The following GRM1 variants were observed in gnomAD, a reference collection of about 807,000 sequenced individuals.
The protein encoded by GRM1 is metabotropic glutamate receptor 1.
In GRM1, 33 loss-of-function variants were observed where a neutral mutation model predicts 90.9. That is an observed-to-expected ratio of 0.36 (90% CI 0.28 to 0.49). The LOEUF (loss-of-function observed/expected upper bound fraction) is 0.49, where lower values mean the gene tolerates loss of function less well. Among genes scored for constraint, GRM1 ranks in the 20% least tolerant of loss-of-function variants. The probability of loss-of-function intolerance (pLI) is 0.99; values close to 1 mark genes in which losing one functional copy is unlikely to be tolerated. For synonymous variants in GRM1, 700 were observed against 613.2 expected (o/e 1.14, Z -2.09); for missense variants, 1,190 against 1,534.3 (o/e 0.78, Z 3.75).
chr6:146,369,823 A>G (rs1345725643), intron 5 of GRM1, among the ~76,000 whole-genome samples: 2 of 152,036 alleles, frequency 1.3e-5, no homozygotes, highest in Non-Finnish European at 2.9e-5. Flanking sequence ...TGTTCTGTAA[A>G]TGTCAGTTAG....
chr6:146,171,614 G>T, intron 2 of GRM1: 1 of 259,092 alleles, frequency 3.9e-6, no homozygotes, highest in South Asian at 6.0e-5. Context: ...ACAGCTGTGG[G>T]GGGGTGAATT....
At chr6:146,187,755 A>ATATATATATATATATATATATAT in intron 2 of GRM1, among the ~76,000 whole-genome samples, 1 of 151,564 alleles carries the variant, frequency 6.6e-6, no homozygotes. Flanking sequence ...ATATATATAT[A>ATATATATATATATATATATATAT]AAATTAGCTA....
At chr6:146,226,130 A>G (rs1780231660) in intron 2 of GRM1, among the ~76,000 whole-genome samples, 2 of 152,094 alleles carry the variant, frequency 1.3e-5, no homozygotes, top group South Asian at 4.1e-4. Flanking sequence ...TGGCTAAGGG[A>G]TAGGGATAGG....
intron 2 of GRM1, among the ~76,000 whole-genome samples, chr6:146,246,039 G>T (rs1781049280): frequency 6.6e-6 from 1 of 152,118 alleles, no homozygotes; most frequent in Non-Finnish European, 1.5e-5. Context: ...ATTAAATGAT[G>T]CTTATAAATT....
intron 1 of GRM1, among the ~76,000 whole-genome samples, chr6:146,118,340 C>T (rs1240272280): frequency 1.3e-5 from 2 of 151,914 alleles, no homozygotes; most frequent in Admixed American, 1.3e-4. Context: ...AAGGTTTCAC[C>T]GTGTTAGCCA....
intron 2 of GRM1, among the ~76,000 whole-genome samples, chr6:146,252,520 G>C (rs908797715): frequency 3.9e-5 from 6 of 152,064 alleles, no homozygotes; most frequent in Non-Finnish European, 7.4e-5. Context: ...GCTGAGGCAG[G>C]AGAATTGTTT....
intron 6 of GRM1, among the ~76,000 whole-genome samples, chr6:146,389,045 C>T (rs151198498): frequency 1.3e-5 from 2 of 152,170 alleles, no homozygotes; most frequent in East Asian, 3.9e-4. Flanking sequence ...CTTCCCTCCA[C>T]TTACATTATT....
At chr6:146,086,683 C>T (rs1388096525) in intron 1 of GRM1, among the ~76,000 whole-genome samples, 11 of 152,028 alleles carry the variant, frequency 7.2e-5, no homozygotes, top group African/African-American at 2.7e-4. Flanking sequence ...TCATGAACTC[C>T]TTTTCCCAGT....
At chr6:146,072,875 G>A (rs533814069) in intron 1 of GRM1, among the ~76,000 whole-genome samples, 1 of 152,188 alleles carries the variant, frequency 6.6e-6, no homozygotes, top group Non-Finnish European at 1.5e-5. Flanking sequence ...CTATATGCTA[G>A]GTGCCTGGGA....
intron 1 of GRM1, among the ~76,000 whole-genome samples, chr6:146,055,367 T>A (rs1775448489): frequency 6.6e-6 from 1 of 152,132 alleles, no homozygotes; most frequent in Admixed American, 6.6e-5. Context: ...ACATTTGAAA[T>A]AACTAACCAC....
intron 2 of GRM1, among the ~76,000 whole-genome samples, chr6:146,236,298 A>G (rs1780643208): frequency 6.6e-6 from 1 of 152,170 alleles, no homozygotes; most frequent in South Asian, 2.1e-4. Flanking sequence ...TGACTATAAT[A>G]TTGGACCACA....
chr6:146,041,132 C>A (rs969885690), intron 1 of GRM1, among the ~76,000 whole-genome samples: 4 of 151,764 alleles, frequency 2.6e-5, no homozygotes, highest in African/African-American at 9.7e-5. Flanking sequence ...TGTTAAATTT[C>A]TCTGATAACT....
intron 1 of GRM1, among the ~76,000 whole-genome samples, chr6:146,045,028 C>T (rs1032393532): frequency 2.0e-5 from 3 of 151,822 alleles, no homozygotes; most frequent in African/African-American, 7.3e-5. Context: ...ATTTCTGGAC[C>T]GCAATATGGA....
intron 2 of GRM1, among the ~76,000 whole-genome samples, chr6:146,242,674 G>A (rs1780909979): frequency 6.6e-6 from 1 of 152,028 alleles, no homozygotes; most frequent in Non-Finnish European, 1.5e-5. Context: ...CTGAGAGGTA[G>A]TAGGGAAAAT....
chr6:146,350,510 G>C (rs540890143), intron 3 of GRM1, among the ~76,000 whole-genome samples: 1 of 151,456 alleles, frequency 6.6e-6, no homozygotes, highest in South Asian at 2.1e-4. Flanking sequence ...TATGATTCTA[G>C]TAGCTTTAAT....
At chr6:146,286,932 T>A (rs1479045656) in intron 2 of GRM1, among the ~76,000 whole-genome samples, 14 of 152,280 alleles carry the variant, frequency 9.2e-5, no homozygotes, top group East Asian at 1.9e-4. Context: ...GGGGAAAATA[T>A]AATGAAAATA....
chr6:146,207,631 A>G (rs1236275423), intron 2 of GRM1, among the ~76,000 whole-genome samples: 1 of 152,040 alleles, frequency 6.6e-6, no homozygotes, highest in Non-Finnish European at 1.5e-5. Context: ...AGCTAGAGAC[A>G]CCCCCAGATA....
At chr6:146,395,915 G>A (rs1429482326) in intron 6 of GRM1, among the ~76,000 whole-genome samples, 2 of 152,072 alleles carry the variant, frequency 1.3e-5, no homozygotes, top group Non-Finnish European at 2.9e-5. Flanking sequence ...TTTGTTTGCA[G>A]GATGACAGCT....
At chr6:146,334,269 G>T (rs928255427) in intron 3 of GRM1, among the ~76,000 whole-genome samples, 1 of 152,190 alleles carries the variant, frequency 6.6e-6, no homozygotes, top group Non-Finnish European at 1.5e-5. Context: ...GATGTCTGTA[G>T]CAGAACCTGG....
Sources: gnomAD v4.1 joint callset for allele counts (sites outside exome capture counted in the v4.1 genomes callset) on GRCh38, gnomAD v4.1.1 for gene constraint, MANE v1.5 for transcripts, NCBI Gene and HGNC (gene_info 2026-07-23, HGNC 2026-07-21) for gene names.